NAT2: variants seen among roughly 807,000 people sequenced by gnomAD.
NAT2 encodes N-acetyltransferase 2.
For synonymous variants in NAT2, 137 were observed against 125.9 expected, an observed-to-expected ratio of 1.09 and a Z score of -0.59; for missense variants, 428 against 339.1, an observed-to-expected ratio of 1.26 and a Z score of -2.06.
intron 1 of NAT2, among the ~76,000 whole-genome samples, chr8:18,393,738 C>G (rs1800631879): frequency 6.6e-6 from 1 of 152,026 alleles, no homozygotes. Flanking sequence ...CTAGTGAATT[C>G]AAGTAAGAAA....
rs200775849 is a variant in NAT2, at chr8:18,400,228, G to A, written c.225G>A (p.Leu75=). The A allele has an allele frequency of 3.7e-6, 6 of 1,612,356 alleles. No individual in the cohort carries two copies. The highest frequency in any genetic ancestry group is 5.1e-6 in the Non-Finnish European group (6 of 1,179,064). ...GGTGTCTCCAGGTCAATCAACTTCT[G>A]TACTGGGCTCTGACCACAATCGGTT... ...GGWCLQVNQL[L]YWALTTIGFQ... Residue 75 remains leucine, a synonymous_variant, in exon 2 of 2, where the codon CTG becomes CTA. Transcript: ENST00000286479.
intron 1 of NAT2, among the ~76,000 whole-genome samples, chr8:18,396,957 T>C (rs2410556): frequency 0.094 from 14,238 of 152,246 alleles, 910 homozygotes; most frequent in Middle Eastern, 0.15. Context: ...TAAATGCTTG[T>C]TGGTTAACTT....
chr8:18,398,686 A>G (rs1026112279), intron 1 of NAT2, among the ~76,000 whole-genome samples: 3 of 152,142 alleles, frequency 2.0e-5, no homozygotes, highest in African/African-American at 7.2e-5. Context: ...CTTTGTTAGT[A>G]TTGTTCTTCA....
chr8:18,387,697 G>A (rs77094075), upstream of NAT2: 6 of 155,990 alleles, frequency 3.8e-5, no homozygotes, highest in Non-Finnish European at 1.4e-5. Context: ...TCCTTCTCTC[G>A]TCGCCTTTTC....
rs1800783253 is a variant in NAT2, at chr8:18,400,972, T to C, written c.*96T>C. ...ATATCCTCTCTACCCTCACGTTATT[T>C]TGAAGAAAATCCTAAACATCAAATA... On this transcript the variant is annotated 3_prime_UTR_variant, in exon 2 of 2. Coordinates refer to ENST00000286479, the MANE Select transcript of NAT2 (RefSeq NM_000015.3). The C allele has an allele frequency of 2.4e-6, 2 of 832,622 alleles. No individual in the cohort carries two copies. Among genetic ancestry groups the C allele is most frequent in the South Asian group, 7.2e-5 (2 of 27,772 alleles). The allele number at this position is 832,622 out of a possible 1,614,324, so 51.6% of individuals were successfully genotyped here.
At chr8:18,397,838 CTCTT>C (rs1800719840) in intron 1 of NAT2, among the ~76,000 whole-genome samples, 2 of 152,248 alleles carry the variant, frequency 1.3e-5, no homozygotes, top group South Asian at 4.1e-4. Flanking sequence ...TCTTAACTCT[CTCTT>C]TCAACTTTTT....
chr8:18,389,310 TTC>T (rs916754723), upstream of NAT2, among the ~76,000 whole-genome samples: 3 of 152,204 alleles, frequency 2.0e-5, no homozygotes, highest in African/African-American at 7.2e-5. Flanking sequence ...TTTCCTCTGC[TTC>T]TCTCTCACCC....
Position 18,400,641 on chromosome 8 carries a change from C to T in NAT2, c.638C>T (p.Pro213Leu), listed in dbSNP as rs138707146. 132 of 1,613,952 alleles carry T rather than the reference C, an allele frequency of 8.2e-5. No homozygotes were observed. The African/African-American group carries it at 1.5e-3, about 19-fold the overall frequency. Residue 213 changes from proline (P) to leucine (L), a missense_variant, in exon 2 of 2, where the codon CCA becomes CTA. By Grantham distance (98) the Pro-to-Leu change is moderately conservative. Transcript: ENST00000286479. ...ATGAATACATACCTGCAGACGTCTC[C>T]AACATCTTCATTTATAACCACATCA... ...ESMNTYLQTS[P>L]TSSFITTSFC...
Position 18,400,505 on chromosome 8 carries a change from C to T in NAT2, c.502C>T (p.Gln168Ter). ...IWYLDQIRREQYITNKEFLNS... is the reference protein window; with the variant it reads ...IWYLDQIRRE ...GTACCTGGACCAAATCAGGAGAGAG[C>T]AGTATATTACAAACAAAGAATTTCT... The change falls in exon 2 of 2, where the codon CAG (glutamine) becomes TAG (stop). Residue 168 changes from glutamine to a stop codon, truncating the protein, a stop_gained. Coordinates refer to ENST00000286479, the MANE Select transcript of NAT2 (RefSeq NM_000015.3). LOFTEE classifies it low-confidence loss of function (END_TRUNC). 6.2e-7 allele frequency: 1 copy of T among 1,613,374 alleles called. No homozygotes were observed. Among genetic ancestry groups the T allele is most frequent in the African/African-American group, 1.3e-5 (1 of 74,932 alleles).
chr8:18,389,839 A>G (rs1265065259), upstream of NAT2, among the ~76,000 whole-genome samples: 1 of 152,234 alleles, frequency 6.6e-6, no homozygotes, highest in Non-Finnish European at 1.5e-5. Flanking sequence ...AAAGAGACTT[A>G]GGTTGGGTTT....
upstream of NAT2, among the ~76,000 whole-genome samples, chr8:18,390,706 T>G (rs1348568695): frequency 1.4e-5 from 2 of 140,724 alleles, no homozygotes; most frequent in Non-Finnish European, 3.2e-5. Flanking sequence ...AAATAAAAAT[T>G]TACATTAATG....
chr8:18,388,588 T>C (rs990223988), upstream of NAT2, among the ~76,000 whole-genome samples: 5 of 152,036 alleles, frequency 3.3e-5, no homozygotes, highest in African/African-American at 7.2e-5. Context: ...TTTATTTCTT[T>C]CTCTGCAAAA....
upstream of NAT2, among the ~76,000 whole-genome samples, chr8:18,386,420 G>A (rs980161933): frequency 6.6e-6 from 1 of 152,084 alleles, no homozygotes; most frequent in African/African-American, 2.4e-5. Context: ...TTTGAATTTT[G>A]AGCTGCGGAA....
intron 1 of NAT2, among the ~76,000 whole-genome samples, chr8:18,392,999 G>C (rs1355311759): frequency 2.0e-5 from 3 of 152,198 alleles, no homozygotes; most frequent in African/African-American, 7.2e-5. Flanking sequence ...AGAAACAGGA[G>C]AGGGTATGGC....
intron 1 of NAT2, among the ~76,000 whole-genome samples, chr8:18,399,487 T>C (rs1800749907): frequency 6.6e-6 from 1 of 152,214 alleles, no homozygotes; most frequent in African/African-American, 2.4e-5. Context: ...GTAAACTATT[T>C]CTTGAATCAA....
upstream of NAT2, among the ~76,000 whole-genome samples, chr8:18,389,063 C>T (rs1484956814): frequency 6.6e-6 from 1 of 152,196 alleles, no homozygotes; most frequent in African/African-American, 2.4e-5. Flanking sequence ...CACAAGTCTC[C>T]TCATCTCATA....
intron 1 of NAT2, among the ~76,000 whole-genome samples, chr8:18,396,626 C>T (rs988594412): frequency 2.7e-4 from 41 of 152,138 alleles, no homozygotes; most frequent in Admixed American, 2.7e-3. Flanking sequence ...GAACCCCTGA[C>T]CTCGTGATCT....
At chr8:18,394,253 T>C (rs1434402701) in intron 1 of NAT2, among the ~76,000 whole-genome samples, 1 of 152,172 alleles carries the variant, frequency 6.6e-6, no homozygotes, top group Non-Finnish European at 1.5e-5. Flanking sequence ...TCCCATCTTT[T>C]GTGGTGGAAT....
chr8:18,392,442 G>A lies in NAT2; in HGVS notation c.-7+1097G>A, dbSNP rs139028475. On this transcript the variant is annotated intron_variant, in intron 1 of 1. Coordinates refer to ENST00000286479, the MANE Select transcript of NAT2 (RefSeq NM_000015.3). ...ACTTGGAGTTTGATGTTTGAGGGCA[G>A]GAAGCATCCAGCACAGGAGAAAGAT... Among the ~76,000 whole-genome samples, 389 of 152,312 alleles carry A rather than the reference G, an allele frequency of 2.6e-3. 3 individuals are homozygous for A. The highest frequency in any genetic ancestry group is 3.3e-3 in the Non-Finnish European group (223 of 68,034).
Sources: allele counts gnomAD v4.1 joint callset (sites outside exome capture counted in the v4.1 genomes callset), GRCh38; gene constraint gnomAD v4.1.1; transcripts MANE v1.5; gene names NCBI Gene and HGNC (gene_info 2026-07-23, HGNC 2026-07-21).